EFR3A: variants seen among roughly 807,000 people sequenced by gnomAD.
EFR3A encodes the protein EFR3 homolog A.
In EFR3A, 76 loss-of-function variants were observed where a neutral mutation model predicts 104.4. The ratio of observed to expected loss-of-function variants is 0.73; its 90% CI spans 0.60 to 0.88. EFR3A has a LOEUF of 0.88. Among genes scored for constraint, EFR3A ranks in the 40% least tolerant of loss-of-function variants. The probability of loss-of-function intolerance (pLI) is 0.00; values close to 1 mark genes in which losing one functional copy is unlikely to be tolerated. For missense variants in EFR3A, 985 were observed against 1,012.5 expected, an observed-to-expected ratio of 0.97 and a Z score of 0.37; for synonymous variants, 330 against 330.0, an observed-to-expected ratio of 1.00 and a Z score of 0.00.
intron 22 of EFR3A, among the ~76,000 whole-genome samples, chr8:132,005,715 CAAG>C (rs758448434): frequency 2.1e-4 from 32 of 152,154 alleles, no homozygotes; most frequent in Middle Eastern, 6.8e-3. Flanking sequence ...ACATAACTAA[CAAG>C]AAGACAAAAA....
chr8:131,920,148 T>A (rs977566802), intron 1 of EFR3A, among the ~76,000 whole-genome samples: 1 of 152,184 alleles, frequency 6.6e-6, no homozygotes, highest in Non-Finnish European at 1.5e-5. Context: ...TTGTCAGTTT[T>A]GGGACACTTG....
At chr8:131,952,834 T>C (rs1327078995) in intron 5 of EFR3A, among the ~76,000 whole-genome samples, 1 of 152,182 alleles carries the variant, frequency 6.6e-6, no homozygotes, top group East Asian at 1.9e-4. Flanking sequence ...GCCATGGAGA[T>C]GTAAAGCAAT....
intron 10 of EFR3A, among the ~76,000 whole-genome samples, chr8:131,971,479 G>A (rs1161904954): frequency 1.3e-5 from 2 of 152,100 alleles, no homozygotes; most frequent in Non-Finnish European, 2.9e-5. Flanking sequence ...ACGAGGTCAG[G>A]AGATCAAGAC....
At chr8:131,942,228 A>G (rs1260882794) in intron 2 of EFR3A, among the ~76,000 whole-genome samples, 1 of 152,154 alleles carries the variant, frequency 6.6e-6, no homozygotes, top group Non-Finnish European at 1.5e-5. Flanking sequence ...TTAAATAGCA[A>G]TCTTTAAAAT....
At chr8:131,946,665 G>T in intron 4 of EFR3A, 32 bp downstream of exon 4, 3 of 1,492,042 alleles carry the variant, frequency 2.0e-6, no homozygotes, top group Non-Finnish European at 2.7e-6. Flanking sequence ...CTAAATGTAT[G>T]CTTAATTAGC....
At position 131,974,219 on chromosome 8, in the gene EFR3A, G is replaced by A. The variant is rs556415224; in HGVS notation, c.1160-1808G>A. 2.0e-5 allele frequency among the ~76,000 whole-genome samples: 3 copies of A among 152,274 alleles called. No individual in the cohort carries two copies. In the South Asian group the frequency reaches 6.2e-4, roughly 32 times the overall value. On this transcript the variant is annotated intron_variant, in intron 10 of 22. Coordinates refer to ENST00000254624, the MANE Select transcript of EFR3A (RefSeq NM_015137.6). ...AAGCTCCCCTAGGTAATTATAATAT[G>A]CAGCAAAGCTTGGGAACCACTGGAT...
chr8:132,009,529 G>A (rs1211230418), intron 22 of EFR3A, among the ~76,000 whole-genome samples: 2 of 151,978 alleles, frequency 1.3e-5, no homozygotes, highest in Non-Finnish European at 2.9e-5. Context: ...CCTGCATATG[G>A]GTAAGTGGAA....
At chr8:131,993,816 C>T (rs775215115) in intron 18 of EFR3A, among the ~76,000 whole-genome samples, 1 of 152,042 alleles carries the variant, frequency 6.6e-6, no homozygotes, top group Non-Finnish European at 1.5e-5. Context: ...TAGGCGTGTG[C>T]AAACCAACAC....
chr8:131,998,247 CAGAT>C (rs1821595305), intron 19 of EFR3A, among the ~76,000 whole-genome samples: 1 of 151,970 alleles, frequency 6.6e-6, no homozygotes, highest in African/African-American at 2.4e-5. Context: ...AAATTCACAT[CAGAT>C]AGATATTTTA....
intron 4 of EFR3A, among the ~76,000 whole-genome samples, chr8:131,948,503 T>C (rs1318977006): frequency 6.6e-6 from 1 of 152,160 alleles, no homozygotes; most frequent in East Asian, 1.9e-4. Context: ...ATATATTGGG[T>C]ATTTCCAAGT....
chr8:131,987,819 C>G, intron 18 of EFR3A, 117 bp downstream of exon 18: 1 of 1,110,144 alleles, frequency 9.0e-7, no homozygotes, highest in Non-Finnish European at 1.3e-6. Context: ...TATAGCCCAG[C>G]CATTTTCAAA....
At chr8:131,911,733 A>G (rs1333385901) in intron 1 of EFR3A, among the ~76,000 whole-genome samples, 1 of 152,250 alleles carries the variant, frequency 6.6e-6, no homozygotes, top group Non-Finnish European at 1.5e-5. Flanking sequence ...GACATTATAT[A>G]GAAATATTGG....
At chr8:131,987,831 G>A (rs954433605) in intron 18 of EFR3A, 129 bp downstream of exon 18, 30 of 952,488 alleles carry the variant, frequency 3.1e-5, no homozygotes, top group Non-Finnish European at 4.5e-5. Flanking sequence ...ATTTTCAAAT[G>A]CTTAAGAGTA....
chr8:131,972,789 C>G (rs1352470315), intron 10 of EFR3A, among the ~76,000 whole-genome samples: 1 of 151,902 alleles, frequency 6.6e-6, no homozygotes, highest in Non-Finnish European at 1.5e-5. Flanking sequence ...GGGCTTATGC[C>G]TTTTATCTGG....
At chr8:131,986,502 G>T (rs1034629683) in intron 17 of EFR3A, among the ~76,000 whole-genome samples, 7 of 152,052 alleles carry the variant, frequency 4.6e-5, no homozygotes, top group Admixed American at 3.3e-4. Context: ...AATAAGACTT[G>T]GCCAGGCGCA....
chr8:131,932,230 A>G (rs749130798), intron 1 of EFR3A, among the ~76,000 whole-genome samples: 2 of 152,006 alleles, frequency 1.3e-5, no homozygotes, highest in Non-Finnish European at 2.9e-5. Context: ...TCTGTTTTGT[A>G]TGTGGAATTT....
At chr8:131,942,708 T>G (rs1475338638) in intron 2 of EFR3A, among the ~76,000 whole-genome samples, 1 of 152,062 alleles carries the variant, frequency 6.6e-6, no homozygotes. Context: ...TAGAAGAACA[T>G]GTAGTTGGAA....
At position 131,953,850 on chromosome 8, in the gene EFR3A, G is replaced by A. The variant is rs767777438; in HGVS notation, c.521G>A (p.Gly174Asp). ...IRIAGIRGIQ[G>D]VVRKTVNDEL... ...ATTGCTGGAATTAGAGGTATTCAAG[G>A]TGTGGTTCGCAAAACAGTCAACGAT... Residue 174 changes from glycine (G) to aspartate (D), a missense_variant, in exon 6 of 23, where the codon GGT becomes GAT. Gly to Asp is a moderately conservative substitution (Grantham distance 94). Transcript: ENST00000254624. 4.5e-6 allele frequency: 7 copies of A among 1,560,720 alleles called. No homozygotes were observed. Among genetic ancestry groups the A allele is most frequent in the Non-Finnish European group, 6.1e-6 (7 of 1,151,546 alleles).
intron 5 of EFR3A, among the ~76,000 whole-genome samples, chr8:131,952,350 C>G (rs1818750569): frequency 6.6e-6 from 1 of 152,104 alleles, no homozygotes; most frequent in Non-Finnish European, 1.5e-5. Flanking sequence ...TTTGGGGGGT[C>G]ATGGCTAGAA....
Sources: allele counts gnomAD v4.1 joint callset (sites outside exome capture counted in the v4.1 genomes callset), GRCh38; gene constraint gnomAD v4.1.1; transcripts MANE v1.5; gene names NCBI Gene and HGNC (gene_info 2026-07-23, HGNC 2026-07-21).